TPRG1L: variants seen among roughly 807,000 people sequenced by gnomAD.
TPRG1L encodes tumor protein p63 regulated 1 like, also known as tumor protein p63-regulated gene 1-like protein.
Under a neutral mutation model 29.4 loss-of-function variants are expected in TPRG1L, and 25 were observed. The ratio of observed to expected loss-of-function variants is 0.85; its 90% CI spans 0.62 to 1.19. TPRG1L has a LOEUF of 1.19. TPRG1L is among the 50% of genes most tolerant of loss of function. The pLI is 0.00. For missense variants in TPRG1L, 354 were observed against 364.4 expected (o/e 0.97, Z 0.23); for synonymous variants, 182 against 151.1 (o/e 1.20, Z -1.50).
intron 4 of TPRG1L, 54 bp from the exon 5 acceptor site, chr1:3,628,355 A>G (rs1309875227): frequency 1.4e-6 from 2 of 1,461,104 alleles, no homozygotes; most frequent in African/African-American, 2.8e-5. Flanking sequence ...TTCAAGTAAT[A>G]GACATTCTTA....
chr1:3,628,539 T>G lies in TPRG1L; in HGVS notation c.755T>G (p.Met252Arg), dbSNP rs1644504600. The G allele has an allele frequency of 6.2e-7, 1 of 1,613,494 alleles. No homozygotes were observed. Among genetic ancestry groups the G allele is most frequent in the African/African-American group, 1.3e-5 (1 of 74,836 alleles). ...CTCATCGAGACCTACGTGGGACTCATGTCCTTCATTAACAACGAGGCGAAA... is the reference window on the plus strand; with the variant it reads ...CTCATCGAGACCTACGTGGGACTCAGGTCCTTCATTAACAACGAGGCGAAA... ...PLLIETYVGL[M>R]SFINNEAKLG... The change falls in exon 5 of 5, where the codon ATG becomes AGG. Residue 252 changes from methionine to arginine, a missense_variant. Transcript: ENST00000378344.
In TPRG1L at chr1:3,628,616, GGGAGCTCCTCCCCC is replaced by G. The variant is rs756149153; in HGVS notation, c.*14_*27del. Reference sequence around the variant, plus strand: ...AATAGGCTTTTAGCCGCTGCGTTCTGGGAGCTCCTCCCCCTTCTGGGAGCTCCTCCCCCTCCCCA... The same window carrying G: ...AATAGGCTTTTAGCCGCTGCGTTCTGTTCTGGGAGCTCCTCCCCCTCCCCA... On this transcript the variant is annotated 3_prime_UTR_variant, in exon 5 of 5. Transcript: ENST00000378344. 18 of 43,068 alleles carry G rather than the reference GGGAGCTCCTCCCCC, an allele frequency of 4.2e-4. No individual in the cohort carries two copies. Among genetic ancestry groups the G allele is most frequent in the South Asian group, 1.2e-3 (1 of 804 alleles). 2.7% of individuals were successfully genotyped at this position (43,068 alleles called of 1,614,324 possible).
rs773767820 is a variant in TPRG1L at position 3,625,723 on chromosome 1, T to C, written c.304T>C (p.Trp102Arg). Residue 102 changes from tryptophan to arginine, a missense_variant, in exon 3 of 5, where the codon TGG becomes CGG. Transcript: ENST00000378344. ...GVWLLTEVDH[W>R]NNEKERLVLV... is the part of the protein sequence containing the mutation. ...CTCCTCTGCCTACAGGGTGGATCAC[T>C]GGAACAATGAGAAGGAGCGGCTGGT... The C allele has an allele frequency of 3.1e-6, 5 of 1,612,524 alleles. No individual in the cohort carries two copies. Among genetic ancestry groups the C allele is most frequent in the African/African-American group, 1.3e-5 (1 of 74,936 alleles).
At chr1:3,625,613 G>T in intron 2 of TPRG1L, 98 bp downstream of exon 2, 1 of 1,559,264 alleles carries the variant, frequency 6.4e-7, no homozygotes, top group Non-Finnish European at 8.7e-7. Flanking sequence ...CCACGCTCAG[G>T]CGCCCCGTGC....
Position 3,625,275 on chromosome 1 carries a change from T to TGAGGCA in TPRG1L, c.201+4_201+9dup. ...GTCAAGGAGTACTTCGTGTTCCGGG[T>TGAGGCA]GAGGCAGGGGCCAGGGCCGGGGCGG... On this transcript the variant is annotated splice_region_variant and intron_variant, in intron 1 of 4. Coordinates refer to ENST00000378344, the MANE Select transcript of TPRG1L (RefSeq NM_182752.4). 1 of 1,386,482 alleles carries TGAGGCA rather than the reference T, an allele frequency of 7.2e-7. No homozygotes were observed. Among genetic ancestry groups the TGAGGCA allele is most frequent in the Middle Eastern group, 2.7e-4 (1 of 3,668 alleles). 85.9% of individuals were successfully genotyped at this position (1,386,482 alleles called of 1,614,324 possible).
chr1:3,625,370 G>A (rs1023997925), intron 1 of TPRG1L, 54 bp from the exon 2 acceptor site: 108 of 1,546,324 alleles, frequency 7.0e-5, no homozygotes, highest in African/African-American at 2.7e-5. Flanking sequence ...CCCGCAGGGA[G>A]CGAGCTGTGA....
At chr1:3,625,347 G>A (rs902637624) in intron 1 of TPRG1L, 74 bp downstream of exon 1, 16 of 1,534,620 alleles carry the variant, frequency 1.0e-5, no homozygotes, top group Non-Finnish European at 1.2e-5. Context: ...GTCGGAGGCG[G>A]GCGCCGGGCG....
In TPRG1L at chr1:3,629,712, G is replaced by A. The variant is rs1644511817; in HGVS notation, c.*1109G>A. On this transcript the variant is annotated 3_prime_UTR_variant, in exon 5 of 5. Coordinates refer to ENST00000378344, the MANE Select transcript of TPRG1L (RefSeq NM_182752.4). ...ATTGCACTCCAGCCCGGGCGACAGA[G>A]CGAGACTCCATCTACCAGATCCTTA... is the stretch of plus-strand genomic sequence containing the variant. 6.6e-6 allele frequency: 1 copy of A among 152,278 alleles called. No homozygotes were observed. The highest frequency in any genetic ancestry group is 1.5e-5 in the Non-Finnish European group (1 of 68,096). The allele number at this position is 152,278 out of a possible 1,614,324, so 9.4% of individuals were successfully genotyped here.
intron 1 of TPRG1L, 65 bp from the exon 2 acceptor site, chr1:3,625,359 T>C: frequency 6.5e-7 from 1 of 1,542,084 alleles, no homozygotes; most frequent in South Asian, 1.2e-5. Flanking sequence ...CGCCGGGCGG[T>C]CCCGCAGGGA....
In TPRG1L at chr1:3,628,424, G is replaced by C; in HGVS notation, c.640G>C (p.Ala214Pro). ...CTCTTTAAAGTTGGAAAGCTTCAAG[G>C]CTCTGTTAATCCAAGCTGTCAAAAA... ...ASLCQLESFK[A>P]LLIQAVKKAQ... The change falls in exon 5 of 5, where the codon GCT becomes CCT. Residue 214 changes from alanine to proline, a missense_variant. Physicochemically the swap from Ala to Pro is conservative, Grantham distance 27. Coordinates refer to ENST00000378344, the MANE Select transcript of TPRG1L (RefSeq NM_182752.4). The C allele has an allele frequency of 1.1e-5, 18 of 1,606,170 alleles. No individual in the cohort carries two copies. Among genetic ancestry groups the C allele is most frequent in the Non-Finnish European group, 1.5e-5 (18 of 1,174,562 alleles).
Position 3,628,692 on chromosome 1 carries a change from G to T in TPRG1L, c.*89G>T. 7.4e-7 allele frequency: 1 copy of T among 1,352,788 alleles called. No homozygotes were observed. The highest frequency in any genetic ancestry group is 2.4e-5 in the East Asian group (1 of 41,896). 83.8% of individuals were successfully genotyped at this position (1,352,788 alleles called of 1,614,324 possible). A position where few individuals can be genotyped will look rare whatever the true frequency, so the allele number is the denominator to read the frequency against. On this transcript the variant is annotated 3_prime_UTR_variant, in exon 5 of 5. Transcript: ENST00000378344. ...GATGTGGGGGCTGGGGGACTGGGAG[G>T]CCTGGCAGTCTTCATGCTGCCCTGC...
Position 3,625,193 on chromosome 1 carries a change from C to T in TPRG1L, c.121C>T (p.Pro41Ser). The T allele has an allele frequency of 7.9e-7, 1 of 1,266,132 alleles. No homozygotes were observed. Among genetic ancestry groups the T allele is most frequent in the Non-Finnish European group, 9.9e-7 (1 of 1,006,306 alleles). The allele number at this position is 1,266,132 out of a possible 1,614,324, so 78.4% of individuals were successfully genotyped here. A position where few individuals can be genotyped will look rare whatever the true frequency, so the allele number is the denominator to read the frequency against. ...PGGGRPGAGT[P>S]LRQTLWPLSI... The stretch of plus-strand genomic sequence containing the variant: ...CGGGGGGCGGCCGGGGGCGGGGACG[C>T]CGCTGCGCCAGACACTCTGGCCTCT... The change falls in exon 1 of 5, where the codon CCG becomes TCG. Residue 41 changes from proline (P) to serine (S), a missense_variant. Coordinates refer to ENST00000378344, the MANE Select transcript of TPRG1L (RefSeq NM_182752.4).
At chr1:3,625,617 C>T (rs1242233975) in intron 2 of TPRG1L, 96 bp from the exon 3 acceptor site, 9 of 1,559,876 alleles carry the variant, frequency 5.8e-6, no homozygotes, top group Non-Finnish European at 7.8e-6. Flanking sequence ...GCTCAGGCGC[C>T]CCGTGCCGCC....
chr1:3,625,260 A>G lies in TPRG1L; in HGVS notation c.188A>G (p.Tyr63Cys). ...DPTRRARVKE[Y>C]FVFRPGSIEQ... ...ACGCGCCGCGCCCGCGTCAAGGAGT[A>G]CTTCGTGTTCCGGGTGAGGCAGGGG... is the stretch of plus-strand genomic sequence containing the variant. Residue 63 changes from tyrosine to cysteine, a missense_variant, in exon 1 of 5, where the codon TAC (tyrosine) becomes TGC (cysteine). By Grantham distance (194) the Tyr-to-Cys change is radical. Coordinates refer to ENST00000378344, the MANE Select transcript of TPRG1L (RefSeq NM_182752.4). The G allele has an allele frequency of 2.9e-6, 4 of 1,383,598 alleles. No individual in the cohort carries two copies. The highest frequency in any genetic ancestry group is 3.7e-6 in the Non-Finnish European group (4 of 1,077,040). 85.7% of individuals were successfully genotyped at this position (1,383,598 alleles called of 1,614,324 possible). A position where few individuals can be genotyped will look rare whatever the true frequency, so the allele number is the denominator to read the frequency against.
Position 3,625,534 on chromosome 1 carries a change from C to T in TPRG1L, c.293+19C>T. 1.3e-6 allele frequency: 2 copies of T among 1,583,316 alleles called. No homozygotes were observed. The highest frequency in any genetic ancestry group is 1.7e-6 in the Non-Finnish European group (2 of 1,166,920). On this transcript the variant is annotated intron_variant, in intron 2 of 4. Coordinates refer to ENST00000378344, the MANE Select transcript of TPRG1L (RefSeq NM_182752.4). ...TTACCGAGTAAGCCGGGGCTGCGCT[C>T]TCCTTGGTGGGGGGACTCGCCCCGA...
At position 3,628,650 on chromosome 1, in the gene TPRG1L, TCCCC is replaced by T. The variant is rs1264717395; in HGVS notation, c.*48_*51del. 2 of 1,463,340 alleles carry T rather than the reference TCCCC, an allele frequency of 1.4e-6. No individual in the cohort carries two copies. The highest frequency in any genetic ancestry group is 4.7e-5 in the East Asian group (2 of 42,556). 90.6% of individuals were successfully genotyped at this position (1,463,340 alleles called of 1,614,324 possible). ...TCCCCCTTCTGGGAGCTCCTCCCCCTCCCCAGAAGGCCAAGGGATGTGGGGGCTG... is the reference window on the plus strand; with the variant it reads ...TCCCCCTTCTGGGAGCTCCTCCCCCTAGAAGGCCAAGGGATGTGGGGGCTG... On this transcript the variant is annotated 3_prime_UTR_variant, in exon 5 of 5. Transcript: ENST00000378344.
Position 3,625,019 on chromosome 1 carries a change from G to T in TPRG1L, c.-54G>T, listed in dbSNP as rs975916967. 8.5e-7 allele frequency: 1 copy of T among 1,178,530 alleles called. No individual in the cohort carries two copies. Among genetic ancestry groups the T allele is most frequent in the African/African-American group, 1.6e-5 (1 of 61,950 alleles). 73.0% of individuals were successfully genotyped at this position (1,178,530 alleles called of 1,614,324 possible). A position where few individuals can be genotyped will look rare whatever the true frequency, so the allele number is the denominator to read the frequency against. ...GCGCGGCCGGGTGGTGGCGGTGGCT[G>T]CGGCGACGGCGGTCGCGTCGGCGTC... is the stretch of plus-strand genomic sequence containing the variant. On this transcript the variant is annotated 5_prime_UTR_variant, in exon 1 of 5. Coordinates refer to ENST00000378344, the MANE Select transcript of TPRG1L (RefSeq NM_182752.4).
At chr1:3,625,389 C>T (rs1557447339) in intron 1 of TPRG1L, 35 bp from the exon 2 acceptor site, 6 of 1,555,362 alleles carry the variant, frequency 3.9e-6, no homozygotes, top group African/African-American at 1.4e-5. Context: ...GACCTGTGAT[C>T]TTTGCCCCCG....
chr1:3,625,542 T>TC (rs1553123615), intron 2 of TPRG1L, 27 bp downstream of exon 2: 18 of 1,585,500 alleles, frequency 1.1e-5, no homozygotes, highest in Middle Eastern at 1.7e-4. Flanking sequence ...CTCTCCTTGG[T>TC]GGGGGGACTC....
Sources: gnomAD v4.1 joint callset for allele counts on GRCh38, gnomAD v4.1.1 for gene constraint, MANE v1.5 for transcripts, NCBI Gene and HGNC (gene_info 2026-07-23, HGNC 2026-07-21) for gene names.